Variants in WDR12 observed in about 807,000 individuals in gnomAD.
The protein encoded by WDR12 is WD repeat domain 12.
A neutral mutation model predicts 64.3 loss-of-function variants in WDR12; 42 were observed. The ratio of observed to expected loss-of-function variants is 0.65; its 90% CI spans 0.51 to 0.84. The LOEUF (loss-of-function observed/expected upper bound fraction) is 0.84, where lower values mean the gene tolerates loss of function less well. Ranked by LOEUF, WDR12 falls within the 40% of genes least tolerant of loss-of-function variation. The probability of loss-of-function intolerance (pLI) is 0.00; values close to 1 mark genes in which losing one functional copy is unlikely to be tolerated. For synonymous variants in WDR12, 158 were observed against 173.3 expected, an observed-to-expected ratio of 0.91 and a Z score of 0.70; for missense variants, 469 against 494.6, an observed-to-expected ratio of 0.95 and a Z score of 0.49.
chr2:202,882,335 A>G (rs1196737059), intron 12 of WDR12, among the ~76,000 whole-genome samples: 2 of 151,722 alleles, frequency 1.3e-5, no homozygotes, highest in African/African-American at 4.8e-5. Flanking sequence ...TGAAACTAAT[A>G]AATGTTTTTT....
At position 202,899,149 on chromosome 2, in the gene WDR12, T is replaced by A. The variant is rs377333053; in HGVS notation, c.338+382A>T. ...GCTCCACCTCCCAGGTTCACGCCATTCTCCTGCCTCAGCCTCCCAAGTAGC... is the reference window on the plus strand; with the variant it reads ...GCTCCACCTCCCAGGTTCACGCCATACTCCTGCCTCAGCCTCCCAAGTAGC... On this transcript the variant is annotated intron_variant, in intron 4 of 12. Transcript: ENST00000261015. Among the ~76,000 whole-genome samples, 74 of 148,736 alleles carry A rather than the reference T, an allele frequency of 5.0e-4. 1 individual carries two copies. The East Asian group carries it at 7.3e-3, about 15-fold the overall frequency.
chr2:202,899,061 G>A (rs1433100142), intron 4 of WDR12, among the ~76,000 whole-genome samples: 1 of 21,218 alleles, frequency 4.7e-5, no homozygotes, highest in African/African-American at 2.9e-4. Flanking sequence ...TTTTTTTTTT[G>A]AGACAGAGTC....
chr2:202,901,869 A>G (rs1355870251), intron 2 of WDR12, among the ~76,000 whole-genome samples: 1 of 152,154 alleles, frequency 6.6e-6, no homozygotes, highest in Non-Finnish European at 1.5e-5. Flanking sequence ...TTTTTTGACA[A>G]GAATATTCAC....
At chr2:202,900,191 G>A (rs916900709) in intron 3 of WDR12, among the ~76,000 whole-genome samples, 5 of 152,008 alleles carry the variant, frequency 3.3e-5, no homozygotes, top group South Asian at 2.1e-4. Context: ...TTAGCCAGGC[G>A]TGGTGGCAGA....
rs1233114538 is a variant in WDR12 at position 202,878,168 on chromosome 2, G to C, written c.*2692C>G. 1 of 152,230 alleles carries C rather than the reference G, an allele frequency of 6.6e-6. No homozygotes were observed. Among genetic ancestry groups the C allele is most frequent in the African/African-American group, 2.4e-5 (1 of 41,442 alleles). The allele number at this position is 152,230 out of a possible 1,614,324, so 9.4% of individuals were successfully genotyped here. On this transcript the variant is annotated 3_prime_UTR_variant, in exon 13 of 13. Transcript: ENST00000261015. Reference sequence around the variant, plus strand: ...TATTCTGCTGTGGAACCAGGATTGGGAATAGGTGGGGACCAGTTCTGGATG... The same window carrying C: ...TATTCTGCTGTGGAACCAGGATTGGCAATAGGTGGGGACCAGTTCTGGATG...
In WDR12 at chr2:202,877,368, C is replaced by T. The variant is rs1687877522; in HGVS notation, c.*3492G>A. The T allele has an allele frequency of 6.6e-6, 1 of 152,088 alleles. No individual in the cohort carries two copies. Among genetic ancestry groups the T allele is most frequent in the Non-Finnish European group, 1.5e-5 (1 of 68,034 alleles). The allele number at this position is 152,088 out of a possible 1,614,324, so 9.4% of individuals were successfully genotyped here. ...GTAATTTCTTAAAACTTTATTTGGG[C>T]TGGGTGCGGTGGCTCATGCCTGTAA... On this transcript the variant is annotated 3_prime_UTR_variant, in exon 13 of 13. Transcript: ENST00000261015.
At chr2:202,891,342 G>A (rs1688153112) in intron 8 of WDR12, among the ~76,000 whole-genome samples, 1 of 152,190 alleles carries the variant, frequency 6.6e-6, no homozygotes, top group African/African-American at 2.4e-5. Flanking sequence ...TAGAGACAGG[G>A]TATCACCATG....
intron 1 of WDR12, 145 bp downstream of exon 1, chr2:202,911,291 C>T: frequency 3.9e-6 from 3 of 760,892 alleles, no homozygotes; most frequent in Non-Finnish European, 6.8e-6. Context: ...TTATATAGAA[C>T]CTACGAAGCT....
intron 6 of WDR12, chr2:202,894,842 C>G (rs1688211418): frequency 2.4e-6 from 1 of 419,618 alleles, no homozygotes; most frequent in Non-Finnish European, 4.3e-6. Context: ...GAAAGCCAAT[C>G]TGAAGTGAGA....
intron 6 of WDR12, 176 bp downstream of exon 6, chr2:202,895,889 C>T (rs1688233091): frequency 1.5e-6 from 1 of 664,800 alleles, no homozygotes; most frequent in South Asian, 2.3e-5. Flanking sequence ...GGGATTCAAA[C>T]TGAGCAAGTG....
intron 8 of WDR12, among the ~76,000 whole-genome samples, chr2:202,889,196 A>C (rs1688102481): frequency 6.6e-6 from 1 of 152,236 alleles, no homozygotes; most frequent in African/African-American, 2.4e-5. Context: ...TATTTCTCTC[A>C]AACGAAATGA....
chr2:202,897,416 CTATGAGAAAAAAAAATCT>C lies in WDR12; in HGVS notation c.339-19_339-2del. The C allele has an allele frequency of 6.6e-7, 1 of 1,511,412 alleles. No individual in the cohort carries two copies. Among genetic ancestry groups the C allele is most frequent in the Non-Finnish European group, 8.9e-7 (1 of 1,128,196 alleles). 93.6% of individuals were successfully genotyped at this position (1,511,412 alleles called of 1,614,324 possible). A position where few individuals can be genotyped will look rare whatever the true frequency, so the allele number is the denominator to read the frequency against. On this transcript the variant is annotated splice_acceptor_variant and splice_polypyrimidine_tract_variant and intron_variant, in intron 4 of 12. Coordinates refer to ENST00000261015, the MANE Select transcript of WDR12 (RefSeq NM_018256.4). LOFTEE classifies it high-confidence loss of function. ...CTTATCATAAGAACCAGTCAAGATC[CTATGAGAAAAAAAAATCT>C]TATGAAACACAAAAAGCAGTTTTTC...
In WDR12 at chr2:202,896,321, A is replaced by C. The variant is rs1362657210; in HGVS notation, c.455-102T>G. 4 of 1,285,266 alleles carry C rather than the reference A, an allele frequency of 3.1e-6. No homozygotes were observed. The East Asian group carries it at 1.0e-4, about 33-fold the overall frequency. 79.6% of individuals were successfully genotyped at this position (1,285,266 alleles called of 1,614,324 possible). On this transcript the variant is annotated intron_variant, in intron 5 of 12. Coordinates refer to ENST00000261015, the MANE Select transcript of WDR12 (RefSeq NM_018256.4). ...ACTAAATTTTTTTGTTGTTATTGAA[A>C]AAGATGTTAAAAAGATAACTCATAT...
chr2:202,897,664 C>T (rs754677427), intron 4 of WDR12, among the ~76,000 whole-genome samples: 7 of 147,750 alleles, frequency 4.7e-5, no homozygotes, highest in South Asian at 4.4e-4. Context: ...CTGAGGCAGG[C>T]GGATCACGAG....
chr2:202,897,725 T>C (rs961626123), intron 4 of WDR12, among the ~76,000 whole-genome samples: 1 of 147,832 alleles, frequency 6.8e-6, no homozygotes, highest in African/African-American at 2.5e-5. Context: ...CTGTCTCTAC[T>C]AAAAATACAA....
rs1010650512 is a variant in WDR12, at chr2:202,883,618, T to G, written c.1112A>C (p.Asp371Ala). Residue 371 changes from aspartate (D) to alanine (A), a missense_variant, in exon 11 of 13, where the codon GAT (aspartate) becomes GCT (alanine). Physicochemically the swap from Asp to Ala is moderately radical, Grantham distance 126 (BLOSUM62 -2). Transcript: ENST00000261015. The part of the protein sequence containing the change: ...GSLDNIVKLW[D>A]TRSCKAPLYD... ...CATAAATAGAATTTACCTTCTTGTA[T>G]CCCACAGCTTAACAATGTTATCTAA... 1 of 1,613,970 alleles carries G rather than the reference T, an allele frequency of 6.2e-7. No homozygotes were observed. The highest frequency in any genetic ancestry group is 8.5e-7 in the Non-Finnish European group (1 of 1,179,942).
chr2:202,894,359 G>A (rs746346758), intron 7 of WDR12, among the ~76,000 whole-genome samples: 5 of 151,970 alleles, frequency 3.3e-5, no homozygotes, highest in South Asian at 2.1e-4. Flanking sequence ...TAGGACTACC[G>A]GTGCATACCA....
chr2:202,884,308 AAAAG>A lies in WDR12; in HGVS notation c.883-9_883-6del, dbSNP rs1403529405. 15 of 1,613,912 alleles carry A rather than the reference AAAAG, an allele frequency of 9.3e-6. No individual in the cohort carries two copies. The highest frequency in any genetic ancestry group is 1.7e-5 in the Admixed American group (1 of 59,978). On this transcript the variant is annotated splice_region_variant and splice_polypyrimidine_tract_variant and intron_variant, in intron 9 of 12. Transcript: ENST00000261015. ...ATTAAACACTTTATTTCCTGTCTGAAAAAGAAAAGGAAAGAACATTAACCATGGT... is the reference window on the plus strand; with the variant it reads ...ATTAAACACTTTATTTCCTGTCTGAAAAAAGGAAAGAACATTAACCATGGT...
chr2:202,892,227 A>T (rs2105906470), intron 8 of WDR12, among the ~76,000 whole-genome samples: 1 of 152,380 alleles, frequency 6.6e-6, no homozygotes, highest in African/African-American at 2.4e-5. Context: ...TTTAGAAGAT[A>T]TAACTAGGAT....
Sources: gnomAD v4.1 joint callset for allele counts (sites outside exome capture counted in the v4.1 genomes callset) on GRCh38, gnomAD v4.1.1 for gene constraint, MANE v1.5 for transcripts, NCBI Gene and HGNC (gene_info 2026-07-23, HGNC 2026-07-21) for gene names.